The following SPDYE12 variants were observed in gnomAD, a reference collection of about 807,000 sequenced individuals.
The protein encoded by SPDYE12 is speedy/RINGO cell cycle regulator family member E12.
chr7:74,909,800 G>A, the SPDYE12 span, among the ~76,000 whole-genome samples: 2 of 150,554 alleles, frequency 1.3e-5, no homozygotes, highest in Admixed American at 1.3e-4. Context: ...CGAGAAGCCG[G>A]AGGAAGGGTT....
At chr7:74,906,199 C>G in the SPDYE12 span, among the ~76,000 whole-genome samples, 2 of 141,408 alleles carry the variant, frequency 1.4e-5, no homozygotes, top group African/African-American at 6.1e-5. Flanking sequence ...CCTCCCTCCT[C>G]ATGACAAAGT....
chr7:74,909,296 C>T, the SPDYE12 span, among the ~76,000 whole-genome samples: 3 of 151,268 alleles, frequency 2.0e-5, no homozygotes, highest in East Asian at 1.9e-4. Context: ...TCAGGTGATC[C>T]GCTTGCCTCA....
At chr7:74,909,053 C>CTTTTTTTTTTTTTTTTTTTTGTTT in the SPDYE12 span, among the ~76,000 whole-genome samples, 1 of 46,272 alleles carries the variant, frequency 2.2e-5, no homozygotes, top group African/African-American at 7.1e-5. Flanking sequence ...TTTTTTTTGG[C>CTTTTTTTTTTTTTTTTTTTTGTTT]TTTTTTTTTT....
At chr7:74,908,810 A>T in the SPDYE12 span, among the ~76,000 whole-genome samples, 8 of 146,426 alleles carry the variant, frequency 5.5e-5, no homozygotes, top group Admixed American at 2.1e-4. Context: ...AGTAGCTGGG[A>T]CTACAGGCGC....
the SPDYE12 span, among the ~76,000 whole-genome samples, chr7:74,910,437 C>A: frequency 6.7e-6 from 1 of 149,464 alleles, no homozygotes; most frequent in Non-Finnish European, 1.5e-5. Flanking sequence ...CGTCTGTAAT[C>A]TCAGCACTTT....
the SPDYE12 span, among the ~76,000 whole-genome samples, chr7:74,908,405 C>G: frequency 1.1e-5 from 1 of 93,040 alleles, no homozygotes; most frequent in African/African-American, 4.2e-5. Flanking sequence ...CTAGGAAGCC[C>G]CCTGGCTTGG....
the SPDYE12 span, among the ~76,000 whole-genome samples, chr7:74,909,033 GTT>G: frequency 0.014 from 434 of 32,004 alleles, 7 homozygotes; most frequent in African/African-American, 0.024. Context: ...TTTTTGCCTG[GTT>G]TTTTTTTTTT....
the SPDYE12 span, among the ~76,000 whole-genome samples, chr7:74,908,970 C>T: frequency 2.0e-5 from 3 of 148,878 alleles, no homozygotes; most frequent in Non-Finnish European, 3.0e-5. Flanking sequence ...CGTGAGCCAC[C>T]GCACCTGGCC....
the SPDYE12 span, among the ~76,000 whole-genome samples, chr7:74,910,660 G>C: frequency 7.3e-5 from 11 of 151,284 alleles, 1 homozygote; most frequent in Non-Finnish European, 1.3e-4. Context: ...CTGCCCTTCA[G>C]CCTGGGCAAC....
chr7:74,908,755 G>A, the SPDYE12 span, among the ~76,000 whole-genome samples: 68 of 117,426 alleles, frequency 5.8e-4, 1 homozygote, highest in African/African-American at 1.9e-3. Context: ...CTCACTGCAA[G>A]CTCCGCCTCC....
chr7:74,907,805 G>A, the SPDYE12 span, among the ~76,000 whole-genome samples: 2,708 of 149,038 alleles, frequency 0.018, 60 homozygotes, highest in Middle Eastern at 0.045. Context: ...CCCTGTAGTC[G>A]GAGCTAATCA....
chr7:74,906,158 G>A, the SPDYE12 span, among the ~76,000 whole-genome samples: 2 of 123,464 alleles, frequency 1.6e-5, no homozygotes, highest in Admixed American at 1.7e-4. Flanking sequence ...ACAACATCAC[G>A]AACCACGAGT....
the SPDYE12 span, among the ~76,000 whole-genome samples, chr7:74,910,643 C>T: frequency 1.3e-5 from 2 of 151,132 alleles, no homozygotes; most frequent in African/African-American, 4.8e-5. Flanking sequence ...GAGTCAAGAT[C>T]GAGACACTGC....
chr7:74,908,634 G>A, the SPDYE12 span, among the ~76,000 whole-genome samples: 33 of 144,308 alleles, frequency 2.3e-4, no homozygotes, highest in African/African-American at 7.3e-4. Context: ...CCTTAGGAGC[G>A]GTTCATGGTT....
At chr7:74,907,653 C>A in the SPDYE12 span, among the ~76,000 whole-genome samples, 1 of 150,604 alleles carries the variant, frequency 6.6e-6, no homozygotes, top group Non-Finnish European at 1.5e-5. Flanking sequence ...ATTGTGTGAA[C>A]CCAGGAGGCG....
the SPDYE12 span, among the ~76,000 whole-genome samples, chr7:74,905,120 A>C: frequency 8.0e-6 from 1 of 124,758 alleles, no homozygotes; most frequent in Admixed American, 8.9e-5. Context: ...TAATACAGAA[A>C]AAAATTTAAA....
At chr7:74,910,091 C>T in the SPDYE12 span, among the ~76,000 whole-genome samples, 101 of 147,488 alleles carry the variant, frequency 6.8e-4, 2 homozygotes, top group African/African-American at 2.2e-3. Context: ...AAAGAATAGC[C>T]GGGAGTGGCA....
the SPDYE12 span, chr7:74,909,702 C>T: frequency 6.4e-7 from 1 of 1,558,660 alleles, no homozygotes; most frequent in Admixed American, 1.7e-5. Flanking sequence ...GAGGGGCTGC[C>T]CATCAGAGAA....
At chr7:74,904,692 C>T in the SPDYE12 span, among the ~76,000 whole-genome samples, 2 of 150,884 alleles carry the variant, frequency 1.3e-5, no homozygotes, top group Admixed American at 6.6e-5. Context: ...TATGTGTATA[C>T]AACAGTTATA....
Sources: gnomAD v4.1 joint callset for allele counts (sites outside exome capture counted in the v4.1 genomes callset) on GRCh38, gnomAD v4.1.1 for gene constraint, MANE v1.5 for transcripts, NCBI Gene and HGNC (gene_info 2026-07-23, HGNC 2026-07-21) for gene names.